The following AUTS2 variants were observed in gnomAD, a reference collection of about 807,000 sequenced individuals.
The protein encoded by AUTS2 is activator of transcription and developmental regulator AUTS2.
Under a neutral mutation model 112.4 loss-of-function variants are expected in AUTS2, and 17 were observed. The ratio of observed to expected loss-of-function variants is 0.15; its 90% CI spans 0.10 to 0.23. The LOEUF (loss-of-function observed/expected upper bound fraction) is 0.23, where lower values mean the gene tolerates loss of function less well. Ranked by LOEUF, AUTS2 falls within the 10% of genes least tolerant of loss-of-function variation. The pLI, the probability that AUTS2 is intolerant of heterozygous loss-of-function variation, is 1.00. For missense variants in AUTS2, 1,510 were observed against 1,701.6 expected, an observed-to-expected ratio of 0.89 and a Z score of 1.98; for synonymous variants, 751 against 702.7, an observed-to-expected ratio of 1.07 and a Z score of -1.09.
intron 6 of AUTS2, among the ~76,000 whole-genome samples, chr7:70,723,362 C>T (rs1366935710): frequency 6.6e-6 from 1 of 152,122 alleles, no homozygotes; most frequent in Admixed American, 6.5e-5. Flanking sequence ...CCCTCTCAAC[C>T]CAAGACCTTG....
At chr7:70,581,995 A>G (rs138534426) in intron 5 of AUTS2, among the ~76,000 whole-genome samples, 267 of 151,232 alleles carry the variant, frequency 1.8e-3, no homozygotes, top group African/African-American at 6.1e-3. Flanking sequence ...TTTCAACCAG[A>G]AGAATAAAAT....
At chr7:70,354,960 G>A (rs183852679) in intron 4 of AUTS2, among the ~76,000 whole-genome samples, 89 of 151,864 alleles carry the variant, frequency 5.9e-4, no homozygotes, top group Non-Finnish European at 1.2e-3. Flanking sequence ...GGGCTGCTGT[G>A]TGTGTGTGTG....
At chr7:70,004,331 A>G (rs1279407244) in intron 2 of AUTS2, among the ~76,000 whole-genome samples, 1 of 133,468 alleles carries the variant, frequency 7.5e-6, no homozygotes, top group South Asian at 2.3e-4. Context: ...TATAATATAT[A>G]TATGAATATA....
At position 69,723,012 on chromosome 7, in the gene AUTS2, C is replaced by T. The variant is rs558158339; in HGVS notation, c.309+123050C>T. Among the ~76,000 whole-genome samples the T allele has an allele frequency of 4.6e-5, 7 of 152,142 alleles. No homozygotes were observed. In the East Asian group the frequency reaches 9.7e-4, roughly 21 times the overall value. On this transcript the variant is annotated intron_variant, in intron 1 of 18. Coordinates refer to ENST00000342771, the MANE Select transcript of AUTS2 (RefSeq NM_015570.4). The stretch of plus-strand genomic sequence containing the variant: ...ACATCCCATTTCAGCAGTTGGTGAG[C>T]GCTACCATAGAACTGTTCAGAAGCA...
At chr7:70,511,010 G>A (rs1227234733) in intron 5 of AUTS2, among the ~76,000 whole-genome samples, 5 of 151,836 alleles carry the variant, frequency 3.3e-5, no homozygotes, top group African/African-American at 9.7e-5. Context: ...CACCATGCCC[G>A]GCTAATTTTT....
intron 10 of AUTS2, among the ~76,000 whole-genome samples, chr7:70,769,784 A>G (rs569640683): frequency 7.9e-5 from 12 of 152,282 alleles, no homozygotes; most frequent in East Asian, 1.9e-4. Context: ...CGCATATTCT[A>G]CAGTCCTAGG....
intron 1 of AUTS2, among the ~76,000 whole-genome samples, chr7:69,834,661 G>A (rs1791645340): frequency 6.6e-6 from 1 of 152,138 alleles, no homozygotes; most frequent in Non-Finnish European, 1.5e-5. Context: ...AGAATGCAAG[G>A]TTCAAAACTC....
At chr7:70,002,132 A>G (rs1463413707) in intron 2 of AUTS2, among the ~76,000 whole-genome samples, 1 of 152,160 alleles carries the variant, frequency 6.6e-6, no homozygotes, top group Non-Finnish European at 1.5e-5. Context: ...AAACACTGAG[A>G]AAAGAGTATA....
chr7:69,894,341 G>A (rs1036741333), intron 1 of AUTS2, among the ~76,000 whole-genome samples: 7 of 135,934 alleles, frequency 5.1e-5, no homozygotes, highest in Non-Finnish European at 8.0e-5. Context: ...GTGTAAGGGA[G>A]GCAGTTTTTT....
At chr7:69,744,889 T>C (rs1787423122) in intron 1 of AUTS2, among the ~76,000 whole-genome samples, 1 of 152,154 alleles carries the variant, frequency 6.6e-6, no homozygotes, top group Admixed American at 6.6e-5. Flanking sequence ...ACAAAAGCAC[T>C]GTAAACAGGC....
At position 70,382,432 on chromosome 7, in the gene AUTS2, ACTCT is replaced by A. The variant is rs959842874; in HGVS notation, c.661-53315_661-53312del. Among the ~76,000 whole-genome samples the A allele has an allele frequency of 1.1e-4, 17 of 151,346 alleles. 1 individual carries two copies. In the South Asian group the frequency reaches 3.4e-3, roughly 30 times the overall value. On this transcript the variant is annotated intron_variant, in intron 4 of 18. Coordinates refer to ENST00000342771, the MANE Select transcript of AUTS2 (RefSeq NM_015570.4). ...AACTTTTTCCCAAACACACACACACACTCTCTCTTGCTTTTCCTTTGATTTCATC... is the reference window on the plus strand; with the variant it reads ...AACTTTTTCCCAAACACACACACACACTCTTGCTTTTCCTTTGATTTCATC...
chr7:69,869,875 G>A (rs558018656), intron 1 of AUTS2, among the ~76,000 whole-genome samples: 1 of 152,270 alleles, frequency 6.6e-6, no homozygotes, highest in African/African-American at 2.4e-5. Context: ...GAAGTGAGCA[G>A]CAGGTACATA....
chr7:70,776,818 T>G, intron 13 of AUTS2: 1 of 455,896 alleles, frequency 2.2e-6, no homozygotes, highest in Non-Finnish European at 4.0e-6. Flanking sequence ...AGGCACAGAG[T>G]GGGATTCAGG....
At chr7:70,388,242 G>A (rs1793701327) in intron 4 of AUTS2, among the ~76,000 whole-genome samples, 1 of 152,228 alleles carries the variant, frequency 6.6e-6, no homozygotes. Context: ...TGAGGTGGCG[G>A]GGGTGTGGAG....
In AUTS2 at chr7:70,246,636, C is replaced by T. The variant is rs185415065; in HGVS notation, c.660+112065C>T. Among the ~76,000 whole-genome samples, 640 of 152,032 alleles carry T rather than the reference C, an allele frequency of 4.2e-3. 5 individuals carry two copies. The highest frequency in any genetic ancestry group is 5.4e-3 in the Non-Finnish European group (368 of 67,926). ...ATATTTTAAAATTCAGTCTCCCTCC[C>T]CCACCTCTTATTATTTTTCAGGTAC... On this transcript the variant is annotated intron_variant, in intron 4 of 18. Coordinates refer to ENST00000342771, the MANE Select transcript of AUTS2 (RefSeq NM_015570.4).
chr7:70,600,123 T>G (rs902994066), intron 5 of AUTS2, among the ~76,000 whole-genome samples: 1 of 152,244 alleles, frequency 6.6e-6, no homozygotes, highest in Non-Finnish European at 1.5e-5. Context: ...TGCCCAAGTT[T>G]CAGAACCACT....
Position 70,620,926 on chromosome 7 carries a change from A to G in AUTS2, c.691-77643A>G, listed in dbSNP as rs144309150. On this transcript the variant is annotated intron_variant, in intron 5 of 18. Transcript: ENST00000342771. ...CAAAGAGTTGTTGCAGGAAAGAGGC[A>G]TGGTCAGAAGACCAGTTCAGCAGCT... is the stretch of plus-strand genomic sequence containing the variant. Among the ~76,000 whole-genome samples, 375 of 152,306 alleles carry G rather than the reference A, an allele frequency of 2.5e-3. 1 individual carries two copies. The highest frequency in any genetic ancestry group is 7.1e-3 in the African/African-American group (297 of 41,564).
intron 5 of AUTS2, among the ~76,000 whole-genome samples, chr7:70,542,648 A>G (rs568205828): frequency 6.6e-6 from 1 of 152,154 alleles, no homozygotes; most frequent in Non-Finnish European, 1.5e-5. Flanking sequence ...CCTGCTATTC[A>G]TTGTCTCCTT....
chr7:70,111,216 G>C (rs1805072988), intron 2 of AUTS2, among the ~76,000 whole-genome samples: 1 of 152,012 alleles, frequency 6.6e-6, no homozygotes, highest in Non-Finnish European at 1.5e-5. Context: ...GGTAAGCAGA[G>C]TTCCAAGATG....
Sources: allele counts gnomAD v4.1 joint callset (sites outside exome capture counted in the v4.1 genomes callset), GRCh38; gene constraint gnomAD v4.1.1; transcripts MANE v1.5; gene names NCBI Gene and HGNC (gene_info 2026-07-23, HGNC 2026-07-21).